Variants in CHST11 observed in about 807,000 individuals in gnomAD.
The protein encoded by CHST11 is C4S-1.
A neutral mutation model predicts 30.4 loss-of-function variants in CHST11; 9 were observed. That is an observed-to-expected ratio of 0.30 (90% confidence interval 0.18 to 0.52). The LOEUF (loss-of-function observed/expected upper bound fraction) is 0.52, where lower values mean the gene tolerates loss of function less well. Among genes scored for constraint, CHST11 ranks in the 20% least tolerant of loss-of-function variants. CHST11 has a pLI of 0.97. For missense variants in CHST11, 348 were observed against 460.6 expected (o/e 0.76, Z 2.24); for synonymous variants, 152 against 187.8 (o/e 0.81, Z 1.56).
At chr12:104,487,350 T>C (rs902412346) in intron 1 of CHST11, among the ~76,000 whole-genome samples, 2 of 152,124 alleles carry the variant, frequency 1.3e-5, no homozygotes, top group Non-Finnish European at 2.9e-5. Flanking sequence ...CAGCCTTGAC[T>C]TCTTGGGCTT....
At chr12:104,563,333 C>A (rs1004159920) in intron 1 of CHST11, among the ~76,000 whole-genome samples, 14 of 152,164 alleles carry the variant, frequency 9.2e-5, no homozygotes, top group Admixed American at 4.6e-4. Context: ...CCACTGTGCT[C>A]GGCCATTGTT....
At chr12:104,709,408 G>A (rs1449058920) in intron 2 of CHST11, among the ~76,000 whole-genome samples, 2 of 152,228 alleles carry the variant, frequency 1.3e-5, no homozygotes, top group African/African-American at 4.8e-5. Context: ...CTCACAGGCT[G>A]TCGTCCGGTA....
intron 1 of CHST11, among the ~76,000 whole-genome samples, chr12:104,496,313 C>T (rs1462991208): frequency 5.9e-5 from 9 of 152,138 alleles, no homozygotes; most frequent in Non-Finnish European, 1.3e-4. Context: ...TAATGCCTGT[C>T]AAATAAAAAA....
At chr12:104,714,438 G>A (rs1203263866) in intron 2 of CHST11, among the ~76,000 whole-genome samples, 5 of 152,170 alleles carry the variant, frequency 3.3e-5, no homozygotes, top group African/African-American at 1.2e-4. Context: ...CCACCATAGT[G>A]GTGATCTGTC....
At chr12:104,497,554 A>T (rs1340309039) in intron 1 of CHST11, among the ~76,000 whole-genome samples, 5 of 152,064 alleles carry the variant, frequency 3.3e-5, no homozygotes, top group Admixed American at 3.3e-4. Flanking sequence ...AACTCCTCTG[A>T]TGCTTAAGTA....
chr12:104,631,821 T>G (rs529584098), intron 2 of CHST11, among the ~76,000 whole-genome samples: 13 of 152,310 alleles, frequency 8.5e-5, no homozygotes, highest in Non-Finnish European at 1.9e-4. Flanking sequence ...CCCTTCTGAT[T>G]GCAGGGTCGG....
At chr12:104,577,475 G>A (rs879545158) in intron 1 of CHST11, among the ~76,000 whole-genome samples, 1 of 151,972 alleles carries the variant, frequency 6.6e-6, no homozygotes, top group Non-Finnish European at 1.5e-5. Flanking sequence ...TGGGATTATC[G>A]GGGTGGTAGG....
intron 1 of CHST11, among the ~76,000 whole-genome samples, chr12:104,506,786 T>C (rs75639757): frequency 0.053 from 7,995 of 152,248 alleles, 265 homozygotes; most frequent in Admixed American, 0.11. Context: ...GGCAAGGGCT[T>C]GTGCTTTCTT....
At chr12:104,696,632 C>T (rs1019844674) in intron 2 of CHST11, among the ~76,000 whole-genome samples, 2 of 152,020 alleles carry the variant, frequency 1.3e-5, no homozygotes, top group African/African-American at 4.8e-5. Context: ...CGGTACTGCA[C>T]TCCAGCCTGA....
chr12:104,555,868 G>C (rs559951317), intron 1 of CHST11, among the ~76,000 whole-genome samples: 7 of 152,368 alleles, frequency 4.6e-5, no homozygotes, highest in East Asian at 3.9e-4. Flanking sequence ...GGCAGCCCTG[G>C]GGGCGTCCAG....
At chr12:104,476,720 C>T (rs1299615754) in intron 1 of CHST11, among the ~76,000 whole-genome samples, 5 of 151,790 alleles carry the variant, frequency 3.3e-5, no homozygotes, top group Admixed American at 2.0e-4. Flanking sequence ...TATTGATGCT[C>T]CAACCAGCAG....
intron 1 of CHST11, among the ~76,000 whole-genome samples, chr12:104,590,572 C>A (rs1450000188): frequency 6.6e-6 from 1 of 152,156 alleles, no homozygotes; most frequent in Non-Finnish European, 1.5e-5. Context: ...TGGCAACAGA[C>A]AACAGCCAAT....
chr12:104,747,905 G>C lies in CHST11; in HGVS notation c.205-9044G>C, dbSNP rs111483000. Among the ~76,000 whole-genome samples the C allele has an allele frequency of 3.3e-3, 500 of 152,188 alleles. 2 individuals carry two copies. Among genetic ancestry groups the C allele is most frequent in the African/African-American group, 0.011 (471 of 41,524 alleles). On this transcript the variant is annotated intron_variant, in intron 2 of 2. Transcript: ENST00000303694. ...ACGCTGCAGTAATGTTTTAATTTAAGGGAAACCAGCTCTTCCTTTTAAGAT... is the reference window on the plus strand; with the variant it reads ...ACGCTGCAGTAATGTTTTAATTTAACGGAAACCAGCTCTTCCTTTTAAGAT...
chr12:104,583,253 T>C (rs1413971576), intron 1 of CHST11, among the ~76,000 whole-genome samples: 2 of 152,166 alleles, frequency 1.3e-5, no homozygotes, highest in Non-Finnish European at 2.9e-5. Context: ...AAATTGTGAG[T>C]GTTTCCCTGG....
intron 2 of CHST11, among the ~76,000 whole-genome samples, chr12:104,614,673 ATGTGTGTGTGCATGCATGCTTG>A (rs1313529947): frequency 2.7e-5 from 4 of 146,814 alleles, no homozygotes; most frequent in African/African-American, 5.1e-5. Flanking sequence ...ATGCTTATGC[ATGTGTGTGTGCATGCATGCTTG>A]TGTGTGTGTG....
chr12:104,599,249 C>T (rs940010246), intron 1 of CHST11, among the ~76,000 whole-genome samples: 1 of 152,106 alleles, frequency 6.6e-6, no homozygotes, highest in Admixed American at 6.5e-5. Context: ...GGTTCAGGCC[C>T]CACACGGTCA....
chr12:104,621,633 T>C (rs1243152595), intron 2 of CHST11, among the ~76,000 whole-genome samples: 2 of 152,068 alleles, frequency 1.3e-5, no homozygotes, highest in African/African-American at 4.8e-5. Flanking sequence ...TGGAGTGATG[T>C]GAGGAAGGGG....
At chr12:104,705,194 C>A (rs1440561205) in intron 2 of CHST11, among the ~76,000 whole-genome samples, 1 of 152,042 alleles carries the variant, frequency 6.6e-6, no homozygotes, top group Non-Finnish European at 1.5e-5. Context: ...TGTGGGTCAC[C>A]TGGTGTATAC....
chr12:104,612,313 G>C (rs954183691), intron 2 of CHST11, among the ~76,000 whole-genome samples: 1 of 152,142 alleles, frequency 6.6e-6, no homozygotes, highest in Non-Finnish European at 1.5e-5. Flanking sequence ...AGAAGGGCCT[G>C]TTCCAGGCCT....
Sources: allele counts gnomAD v4.1 joint callset (sites outside exome capture counted in the v4.1 genomes callset), GRCh38; gene constraint gnomAD v4.1.1; transcripts MANE v1.5; gene names NCBI Gene and HGNC (gene_info 2026-07-23, HGNC 2026-07-21).